HERC2: variants seen among roughly 807,000 people sequenced by gnomAD.
HERC2 encodes HECT and RLD domain containing E3 ubiquitin protein ligase 2.
In HERC2, 102 loss-of-function variants were observed where a neutral mutation model predicts 537.7. That is an observed-to-expected ratio of 0.19 (90% CI 0.16 to 0.22). HERC2 has a LOEUF of 0.22. Among genes scored for constraint, HERC2 ranks in the 10% least tolerant of loss-of-function variants. The pLI is 1.00. For missense variants in HERC2, 4,236 were observed against 6,198.2 expected, an observed-to-expected ratio of 0.68 and a Z score of 10.63; for synonymous variants, 2,224 against 2,466.2, an observed-to-expected ratio of 0.90 and a Z score of 2.91.
At chr15:28,152,963 A>G (rs1892608171) in intron 69 of HERC2, 133 bp from the exon 70 acceptor site, 7 of 863,128 alleles carry the variant, frequency 8.1e-6, no homozygotes, top group Non-Finnish European at 1.2e-5. Flanking sequence ...GGAGTTTGAG[A>G]AATTGAGTTC....
intron 69 of HERC2, among the ~76,000 whole-genome samples, chr15:28,154,989 C>T (rs1892845014): frequency 6.9e-6 from 1 of 144,246 alleles, no homozygotes; most frequent in Non-Finnish European, 1.5e-5. Flanking sequence ...TTGTTCAATT[C>T]CCACCTATAA....
intron 69 of HERC2, among the ~76,000 whole-genome samples, chr15:28,153,248 G>A (rs753672960): frequency 3.3e-5 from 5 of 152,194 alleles, no homozygotes; most frequent in Non-Finnish European, 5.9e-5. Context: ...AGCTACTCAG[G>A]AGGCTGAGGC....
rs546931171 is a variant in HERC2, at chr15:28,152,657, G to C, written c.10900+20C>G. On this transcript the variant is annotated intron_variant, in intron 70 of 92. Coordinates refer to ENST00000261609, the MANE Select transcript of HERC2 (RefSeq NM_004667.6). ...AAGGTGGGAAAGGCTGCAGCTCCCC[G>C]CTGGGGCCAGCCCCTGTACCTGGTA... The C allele has an allele frequency of 2.0e-6, 3 of 1,524,406 alleles. No homozygotes were observed. In the South Asian group the frequency reaches 3.7e-5, roughly 19 times the overall value. The allele number at this position is 1,524,406 out of a possible 1,614,324, so 94.4% of individuals were successfully genotyped here.
At position 28,176,370 on chromosome 15, in the gene HERC2, G is replaced by T; in HGVS notation, c.9686+58C>A. On this transcript the variant is annotated intron_variant, in intron 63 of 92. Coordinates refer to ENST00000261609, the MANE Select transcript of HERC2 (RefSeq NM_004667.6). This position sits in a 1 kb window ranked among gnomAD's most constrained non-coding sequence, Gnocchi z 5.0. ...CGGGTGAGCCTGGGGCGAGGCCCAG[G>T]TTCCCTGCACACACCTGCACAAGCA... 6.4e-7 allele frequency: 1 copy of T among 1,558,072 alleles called. No homozygotes were observed. Among genetic ancestry groups the T allele is most frequent in the African/African-American group, 1.4e-5 (1 of 73,730 alleles).
intron 2 of HERC2, among the ~76,000 whole-genome samples, chr15:28,321,016 TAACTC>T (rs1373122533): frequency 3.3e-5 from 5 of 151,866 alleles, no homozygotes; most frequent in Admixed American, 2.6e-4. Flanking sequence ...CCTCCACAGT[TAACTC>T]AACAGCTCAA....
Position 28,269,371 on chromosome 15 carries a change from A to G in HERC2, c.1323T>C (p.Gly441=). The G allele has an allele frequency of 3.1e-6, 5 of 1,614,156 alleles. No individual in the cohort carries two copies. Among genetic ancestry groups the G allele is most frequent in the Non-Finnish European group, 4.2e-6 (5 of 1,180,012 alleles). ...TGGCCAGGCCTTCGCACTGGATTGGACCAATCACATTGGCATAGTATTTCC... is the reference window on the plus strand; with the variant it reads ...TGGCCAGGCCTTCGCACTGGATTGGGCCAATCACATTGGCATAGTATTTCC... ...IGWKYYANVI[G]PIQCEGLANL... The change falls in exon 11 of 93, where the codon GGT becomes GGC. Residue 441 remains glycine, a synonymous_variant. Coordinates refer to ENST00000261609, the MANE Select transcript of HERC2 (RefSeq NM_004667.6).
intron 69 of HERC2, among the ~76,000 whole-genome samples, chr15:28,156,528 G>T (rs889314664): frequency 1.3e-5 from 2 of 152,114 alleles, no homozygotes; most frequent in Non-Finnish European, 2.9e-5. Flanking sequence ...TTGTGAATGG[G>T]ATTTCACTCA....
chr15:28,257,152 A>G lies in HERC2; in HGVS notation c.2426T>C (p.Val809Ala), dbSNP rs780112741. 6.2e-7 allele frequency: 1 copy of G among 1,613,446 alleles called. No individual in the cohort carries two copies. Among genetic ancestry groups the G allele is most frequent in the Admixed American group, 1.7e-5 (1 of 59,988 alleles). The change falls in exon 17 of 93, where the codon GTG becomes GCG. Residue 809 changes from valine (V) to alanine (A), a missense_variant. Coordinates refer to ENST00000261609, the MANE Select transcript of HERC2 (RefSeq NM_004667.6). ...CGCGGAACCATCCATCCCCTCACTC[A>G]CCTGCCGAAGCAGGAGATCCAGCTG... ...FEQLDLLLRQ[V>A]SEGMDGSADW...
At chr15:28,174,715 A>C (rs1895076152) in intron 64 of HERC2, 95 bp from the exon 65 acceptor site, 1 of 1,040,794 alleles carries the variant, frequency 9.6e-7, no homozygotes, top group East Asian at 2.5e-5. Context: ...CGCGTATGCC[A>C]CGGTAGTTGA....
At chr15:28,146,390 C>T (rs1891736493) in intron 70 of HERC2, 46 bp from the exon 71 acceptor site, 1 of 1,298,822 alleles carries the variant, frequency 7.7e-7, no homozygotes, top group Non-Finnish European at 1.1e-6. Context: ...TCCAGATCAG[C>T]ACCCAAAGTA....
chr15:28,149,530 C>T (rs184960952), intron 70 of HERC2, among the ~76,000 whole-genome samples: 10 of 149,050 alleles, frequency 6.7e-5, no homozygotes, highest in South Asian at 4.3e-4. Context: ...GGCTCCTAAC[C>T]GAGAACGTCA....
chr15:28,288,159 T>C (rs961833774), intron 4 of HERC2, among the ~76,000 whole-genome samples: 1 of 152,094 alleles, frequency 6.6e-6, no homozygotes, highest in African/African-American at 2.4e-5. Context: ...TAAAGGGAGA[T>C]CTTCAAACTG....
At position 28,265,652 on chromosome 15, in the gene HERC2, A is replaced by G. The variant is rs771275028; in HGVS notation, c.1836T>C (p.Ser612=). 4 of 1,613,736 alleles carry G rather than the reference A, an allele frequency of 2.5e-6. No individual in the cohort carries two copies. The highest frequency in any genetic ancestry group is 3.4e-6 in the Non-Finnish European group (4 of 1,179,966). ...GLKVIDVACG[S]GDAQTLAVTE... is the part of the protein sequence containing the mutation. ...TGACAGCCAGGGTTTGAGCATCCCC[A>G]CTCCCACACGCCACATCGATGACCT... is the stretch of plus-strand genomic sequence containing the variant. The change falls in exon 14 of 93, where the codon AGT becomes AGC. Residue 612 remains serine (S), a synonymous_variant. Coordinates refer to ENST00000261609, the MANE Select transcript of HERC2 (RefSeq NM_004667.6). The surrounding 1 kb of genome is among the most constrained non-coding windows in gnomAD (Gnocchi z 4.0).
intron 78 of HERC2, 58 bp downstream of exon 78, chr15:28,141,374 C>T: frequency 2.0e-6 from 3 of 1,518,552 alleles, no homozygotes; most frequent in Middle Eastern, 1.7e-4. Flanking sequence ...CACACAGCAC[C>T]TTTAGCCACA....
chr15:28,299,550 G>T, intron 2 of HERC2, 34 bp from the exon 3 acceptor site: 1 of 1,124,688 alleles, frequency 8.9e-7, no homozygotes, highest in Non-Finnish European at 1.3e-6. Context: ...CTTACAGAGT[G>T]CTCACACTCA....
intron 3 of HERC2, among the ~76,000 whole-genome samples, chr15:28,294,816 ACTG>A (rs2076417569): frequency 6.6e-6 from 1 of 151,886 alleles, no homozygotes; most frequent in Non-Finnish European, 1.5e-5. Flanking sequence ...TGACTAATAA[ACTG>A]CTATTTCATC....
At chr15:28,220,684 A>C in intron 36 of HERC2, 40 bp from the exon 37 acceptor site, 1 of 1,533,990 alleles carries the variant, frequency 6.5e-7, no homozygotes, top group Non-Finnish European at 8.9e-7. Context: ...GAGGGTGCGT[A>C]ACCTGCCCTG....
At chr15:28,249,229 T>A (rs759352151) in intron 20 of HERC2, among the ~76,000 whole-genome samples, 4 of 152,188 alleles carry the variant, frequency 2.6e-5, no homozygotes, top group Non-Finnish European at 5.9e-5. Context: ...CATTGCCACA[T>A]CTGCCTTGCA....
intron 15 of HERC2, 50 bp from the exon 16 acceptor site, chr15:28,261,020 T>G: frequency 1.4e-6 from 2 of 1,408,524 alleles, no homozygotes; most frequent in South Asian, 2.5e-5. Context: ...TGACTTCCGC[T>G]GCAAGAAAGA....
Sources: gnomAD v4.1 joint callset for allele counts (sites outside exome capture counted in the v4.1 genomes callset) on GRCh38, gnomAD v4.1.1 for gene constraint, Gnocchi (gnomAD v3.1) non-coding constraint, MANE v1.5 for transcripts, NCBI Gene and HGNC (gene_info 2026-07-23, HGNC 2026-07-21) for gene names.